Variants in TRPM2 observed in about 807,000 individuals in gnomAD.
TRPM2 encodes the protein transient receptor potential cation channel subfamily M member 2.
TRPM2 carries 161 observed loss-of-function variants against 174.0 expected under a neutral mutation model. The observed-to-expected ratio is 0.93, with a 90% CI of 0.81 to 1.05. TRPM2 has a LOEUF of 1.05. TRPM2 is among the 50% of genes least tolerant of loss of function. The probability of loss-of-function intolerance (pLI) is 0.00; values close to 1 mark genes in which losing one functional copy is unlikely to be tolerated. For synonymous variants in TRPM2, 954 were observed against 861.3 expected, an observed-to-expected ratio of 1.11 and a Z score of -1.88; for missense variants, 2,057 against 2,038.0, an observed-to-expected ratio of 1.01 and a Z score of -0.18.
In TRPM2 at chr21:44,437,146, C is replaced by G. The variant is rs745632554; in HGVS notation, c.4146C>G (p.Ser1382=). The G allele has an allele frequency of 1.9e-6, 3 of 1,551,192 alleles. No homozygotes were observed. Among genetic ancestry groups the G allele is most frequent in the African/African-American group, 2.7e-5 (2 of 73,028 alleles). ...LEVLVVKLPL[S]EHWALPGGSR... is the part of the protein sequence containing the mutation. ...TGCTGGTGGTGAAGCTCCCTCTCTC[C>G]GAGCACTGGGCCCTGCCTGGGGTAA... Residue 1382 remains serine, a synonymous_variant, in exon 29 of 32, where the codon TCC becomes TCG. Coordinates refer to ENST00000397928, the MANE Select transcript of TRPM2 (RefSeq NM_003307.4).
chr21:44,378,235 G>A (rs896551180), intron 7 of TRPM2, among the ~76,000 whole-genome samples: 7 of 152,192 alleles, frequency 4.6e-5, no homozygotes, highest in Admixed American at 3.3e-4. Flanking sequence ...CTGCTCTGCC[G>A]GCCTTCCTTC....
In TRPM2 at chr21:44,431,300, C is replaced by CT. The variant is rs75104915; in HGVS notation, c.3975-3819dup. On this transcript the variant is annotated intron_variant, in intron 27 of 31. Coordinates refer to ENST00000397928, the MANE Select transcript of TRPM2 (RefSeq NM_003307.4). Reference sequence around the variant, plus strand: ...CTTCATTTTACACTTTTGTTTTGCTCTTTTTTTTTTTTCTTTTTGTGGAGA... The same window carrying CT: ...CTTCATTTTACACTTTTGTTTTGCTCTTTTTTTTTTTTTCTTTTTGTGGAGA... Among the ~76,000 whole-genome samples, 387 of 144,760 alleles carry CT rather than the reference C, an allele frequency of 2.7e-3. 2 individuals carry two copies. The highest frequency in any genetic ancestry group is 6.0e-3 in the African/African-American group (237 of 39,724). 95.0% of individuals were successfully genotyped at this position (144,760 alleles called of 152,430 possible).
At chr21:44,351,893 G>A (rs2122998390), upstream of TRPM2, among the ~76,000 whole-genome samples, 2 of 152,248 alleles carry the variant, frequency 1.3e-5, no homozygotes, top group Non-Finnish European at 2.9e-5. Flanking sequence ...GTGCTGAGGT[G>A]GACAGCTGCC....
chr21:44,405,104 C>G, intron 16 of TRPM2, 38 bp from the exon 17 acceptor site: 3 of 1,609,498 alleles, frequency 1.9e-6, no homozygotes, highest in Non-Finnish European at 2.5e-6. Flanking sequence ...GTAAGAGTGA[C>G]AACCTGTCTG....
intron 20 of TRPM2, among the ~76,000 whole-genome samples, chr21:44,417,151 C>T (rs2847236): frequency 1.7e-4 from 23 of 134,560 alleles, no homozygotes; most frequent in African/African-American, 1.8e-4. Context: ...ACAGTGGGCA[C>T]GTGGGCGTGG....
intron 24 of TRPM2, 106 bp from the exon 25 acceptor site, chr21:44,425,564 G>A: frequency 7.6e-7 from 1 of 1,321,990 alleles, no homozygotes; most frequent in Non-Finnish European, 9.9e-7. Flanking sequence ...GGAGGTGGAG[G>A]AGCCCAGATG....
upstream of TRPM2, among the ~76,000 whole-genome samples, chr21:44,350,604 G>A: frequency 7.4e-6 from 1 of 135,084 alleles, no homozygotes; most frequent in African/African-American, 3.2e-5. Context: ...GGGGCTCGAG[G>A]CGCTGGTGCA....
upstream of TRPM2, chr21:44,353,348 G>C: frequency 5.3e-6 from 1 of 189,258 alleles, no homozygotes; most frequent in Non-Finnish European, 1.1e-5. Flanking sequence ...AGCTGCACCC[G>C]TGGGGGAGGG....
chr21:44,367,249 CGGTGGCCTGAGAACCTT>C lies in TRPM2; in HGVS notation c.604+325_604+341del, dbSNP rs2048389487. Among the ~76,000 whole-genome samples, 1 of 150,156 alleles carries C rather than the reference CGGTGGCCTGAGAACCTT, an allele frequency of 6.7e-6. No individual in the cohort carries two copies. The highest frequency in any genetic ancestry group is 2.5e-5 in the African/African-American group (1 of 40,304). ...GAGAACCTTGGTGGCCTGGGAACCT[CGGTGGCCTGAGAACCTT>C]GGTGGCCTGGGAATCTTGGTGGCCT... is the stretch of plus-strand genomic sequence containing the variant. On this transcript the variant is annotated intron_variant, in intron 4 of 31. Transcript: ENST00000397928. This position sits in a 1 kb window ranked among gnomAD's most constrained non-coding sequence, Gnocchi z 4.6.
At chr21:44,370,399 C>G (rs753688688) in intron 5 of TRPM2, among the ~76,000 whole-genome samples, 10 of 152,180 alleles carry the variant, frequency 6.6e-5, no homozygotes, top group Non-Finnish European at 1.5e-4. Flanking sequence ...ATTAACTGGA[C>G]GCAGGAGAAG....
chr21:44,400,695 G>A (rs1052124887), intron 15 of TRPM2, among the ~76,000 whole-genome samples: 4 of 152,246 alleles, frequency 2.6e-5, no homozygotes, highest in African/African-American at 7.2e-5. Context: ...GCCAGTCTGC[G>A]GCGTGGGCAG....
intron 2 of TRPM2, 94 bp from the exon 3 acceptor site, chr21:44,364,020 A>T: frequency 7.3e-7 from 1 of 1,360,934 alleles, no homozygotes; most frequent in Non-Finnish European, 9.9e-7. Context: ...GGGTGGGGGA[A>T]GGTTGCGGCT....
At chr21:44,388,944 G>C (rs980424462) in intron 9 of TRPM2, among the ~76,000 whole-genome samples, 2 of 152,152 alleles carry the variant, frequency 1.3e-5, no homozygotes, top group Non-Finnish European at 2.9e-5. Flanking sequence ...ACTTTATGAA[G>C]GTTCAGCTTA....
chr21:44,423,593 C>G, intron 22 of TRPM2, 52 bp from the exon 23 acceptor site: 3 of 1,528,414 alleles, frequency 2.0e-6, no homozygotes, highest in Non-Finnish European at 2.7e-6. Flanking sequence ...GTGTGGCGTT[C>G]CCAGGGCCCC....
intron 2 of TRPM2, among the ~76,000 whole-genome samples, chr21:44,356,151 G>T (rs1228943793): frequency 7.4e-6 from 1 of 136,004 alleles, no homozygotes; most frequent in Non-Finnish European, 1.6e-5. Flanking sequence ...CAAAGTGCTG[G>T]GATTACAGGC....
chr21:44,363,975 C>T lies in TRPM2; in HGVS notation c.255-139C>T, dbSNP rs1313950024. 4 of 864,094 alleles carry T rather than the reference C, an allele frequency of 4.6e-6. No individual in the cohort carries two copies. The East Asian group carries it at 8.1e-5, about 17-fold the overall frequency. 53.5% of individuals were successfully genotyped at this position (864,094 alleles called of 1,614,324 possible). On this transcript the variant is annotated intron_variant, in intron 2 of 31. Coordinates refer to ENST00000397928, the MANE Select transcript of TRPM2 (RefSeq NM_003307.4). The stretch of plus-strand genomic sequence containing the variant: ...CCACCATTAGGCCTTTGCTGCCTCC[C>T]CCATGGCTGGAAGGGCAGGTGCTTT...
In TRPM2 at chr21:44,406,688, G is replaced by A. The variant is rs201096422; in HGVS notation, c.2885G>A (p.Arg962Gln). The A allele has an allele frequency of 1.0e-4, 163 of 1,609,964 alleles. No individual in the cohort carries two copies. Among genetic ancestry groups the A allele is most frequent in the Admixed American group, 2.9e-4 (17 of 59,586 alleles). Residue 962 changes from arginine to glutamine, a missense_variant, in exon 19 of 32, where the codon CGG (arginine) becomes CAG (glutamine). Physicochemically the swap from Arg to Gln is conservative, Grantham distance 43 (BLOSUM62 1). Transcript: ENST00000397928. Reference sequence around the variant, plus strand: ...GCCATCCTCATCCACAACGAGCGCCGGGTGGACTGGCTGTTCCGAGGGGCC... The same window carrying A: ...GCCATCCTCATCCACAACGAGCGCCAGGTGGACTGGCTGTTCCGAGGGGCC... Reference protein sequence around the residue: ...KQAILIHNERRVDWLFRGAVY... With the variant: ...KQAILIHNERQVDWLFRGAVY...
chr21:44,369,328 C>G lies in TRPM2; in HGVS notation c.756C>G (p.Gly252=), dbSNP rs777480090. The G allele has an allele frequency of 1.0e-4, 165 of 1,612,182 alleles. No homozygotes were observed. Among genetic ancestry groups the G allele is most frequent in the Middle Eastern group, 3.3e-4 (2 of 6,046 alleles). Residue 252 remains glycine (G), a synonymous_variant, in exon 5 of 32, where the codon GGC becomes GGG. Coordinates refer to ENST00000397928, the MANE Select transcript of TRPM2 (RefSeq NM_003307.4). ...ATWGTVHRRE[G]LIHPTGSFPA... ...GGGGCACTGTCCACCGCCGCGAGGG[C>G]CTGATCCATCCCACGGTGAGTGCGG...
intron 5 of TRPM2, among the ~76,000 whole-genome samples, chr21:44,370,175 C>T (rs555137618): frequency 6.6e-6 from 1 of 152,078 alleles, no homozygotes; most frequent in Non-Finnish European, 1.5e-5. Flanking sequence ...GCGAGGGTTC[C>T]GCTAACAGAG....
Sources: allele counts gnomAD v4.1 joint callset (sites outside exome capture counted in the v4.1 genomes callset), GRCh38; gene constraint gnomAD v4.1.1; non-coding constraint Gnocchi (gnomAD v3.1); transcripts MANE v1.5; gene names NCBI Gene and HGNC (gene_info 2026-07-23, HGNC 2026-07-21).